The following C10orf67 variants were observed in gnomAD, a reference collection of about 807,000 sequenced individuals.
C10orf67 encodes uncharacterized protein C10orf67, mitochondrial.
In C10orf67, 60 loss-of-function variants were observed where a neutral mutation model predicts 35.6. The observed-to-expected ratio is 1.68, with a 90% confidence interval of 1.37 to 2.09. C10orf67 has a LOEUF of 2.09. Among genes scored for constraint, C10orf67 ranks in the 30% most tolerant of loss-of-function variants. The probability of loss-of-function intolerance (pLI) is 0.00; values close to 1 mark genes in which losing one functional copy is unlikely to be tolerated. For synonymous variants in C10orf67, 167 were observed against 115.8 expected (o/e 1.44, Z -2.84); for missense variants, 474 against 330.2 (o/e 1.44, Z -3.38).
chr10:23,230,385 G>A (rs1841875345), intron 13 of C10orf67, among the ~76,000 whole-genome samples: 1 of 152,042 alleles, frequency 6.6e-6, no homozygotes, highest in African/African-American at 2.4e-5. Context: ...TAATACATTT[G>A]TGATTAAATA....
intron 7 of C10orf67, among the ~76,000 whole-genome samples, chr10:23,285,037 A>G (rs529383045): frequency 6.4e-4 from 98 of 152,316 alleles, no homozygotes; most frequent in Middle Eastern, 6.8e-3. Flanking sequence ...TTGGAAAAAA[A>G]CCAGCAAATA....
At chr10:23,232,204 A>G (rs1841931943) in intron 13 of C10orf67, among the ~76,000 whole-genome samples, 1 of 152,124 alleles carries the variant, frequency 6.6e-6, no homozygotes, top group African/African-American at 2.4e-5. Context: ...GGGTTATTTA[A>G]CAGTTTGAAA....
At chr10:23,248,714 C>T (rs184245135) in intron 12 of C10orf67, among the ~76,000 whole-genome samples, 22 of 152,132 alleles carry the variant, frequency 1.4e-4, no homozygotes, top group African/African-American at 4.8e-4. Context: ...GCACTCGCTA[C>T]GGTGCTGTAT....
At chr10:23,286,665 A>C (rs11013367) in intron 7 of C10orf67, among the ~76,000 whole-genome samples, 28,806 of 149,132 alleles carry the variant, frequency 0.19, 3,042 homozygotes, top group Admixed American at 0.29. Flanking sequence ...AGGAGGGAGG[A>C]AAGGAGGGAG....
At chr10:23,321,361 T>C (rs1844948321) in intron 3 of C10orf67, among the ~76,000 whole-genome samples, 1 of 152,182 alleles carries the variant, frequency 6.6e-6, no homozygotes, top group South Asian at 2.1e-4. Context: ...CTTTATACTT[T>C]TCTAAAAAAA....
In C10orf67 at chr10:23,227,963, T is replaced by G. The variant is rs569305856; in HGVS notation, c.1435-4145A>C. 8.5e-5 allele frequency among the ~76,000 whole-genome samples: 13 copies of G among 152,188 alleles called. No individual in the cohort carries two copies. The East Asian group carries it at 2.1e-3, about 25-fold the overall frequency. On this transcript the variant is annotated intron_variant, in intron 13 of 15. Coordinates refer to ENST00000636213, the MANE Select transcript of C10orf67 (RefSeq NM_001371909.1). ...AGGACACAAACAAATGGAAGAACAT[T>G]CCATGCTCATGGATAGGAAGAATCA... is the stretch of plus-strand genomic sequence containing the variant.
intron 2 of C10orf67, among the ~76,000 whole-genome samples, chr10:23,326,496 AG>A (rs528583896): frequency 1.2e-3 from 187 of 152,270 alleles, no homozygotes; most frequent in African/African-American, 4.3e-3. Context: ...AGCTAAATAA[AG>A]TTTTTTAGGC....
chr10:23,262,243 AG>A (rs1284351366), intron 10 of C10orf67, among the ~76,000 whole-genome samples: 1 of 151,742 alleles, frequency 6.6e-6, no homozygotes, highest in Non-Finnish European at 1.5e-5. Context: ...TAGTGTCAGG[AG>A]TCTGGCCAAA....
At chr10:23,338,176 G>C (rs188126160) in intron 1 of C10orf67, among the ~76,000 whole-genome samples, 1 of 152,306 alleles carries the variant, frequency 6.6e-6, no homozygotes, top group Admixed American at 6.5e-5. Context: ...AGAGAAAGTA[G>C]TTAAATAATT....
At chr10:23,204,516 C>A (rs1229633967) in intron 15 of C10orf67, among the ~76,000 whole-genome samples, 1 of 152,142 alleles carries the variant, frequency 6.6e-6, no homozygotes, top group African/African-American at 2.4e-5. Context: ...CTCCGGCAGC[C>A]CCAGGCTGCA....
At chr10:23,342,311 T>C (rs1174860739) in intron 1 of C10orf67, among the ~76,000 whole-genome samples, 5 of 152,276 alleles carry the variant, frequency 3.3e-5, no homozygotes, top group African/African-American at 1.2e-4. Context: ...CTAACCACTA[T>C]CTAACTTATT....
chr10:23,279,399 TG>T (rs549239259), intron 8 of C10orf67, among the ~76,000 whole-genome samples: 116 of 152,352 alleles, frequency 7.6e-4, no homozygotes, highest in African/African-American at 2.7e-3. Flanking sequence ...TACTGCCACA[TG>T]ACATATAACA....
At chr10:23,317,923 T>G (rs576675860) in intron 4 of C10orf67, 1 of 150,864 alleles carries the variant, frequency 6.6e-6, no homozygotes, top group South Asian at 2.1e-4. Flanking sequence ...CATAGCAAGA[T>G]CCCATGTCAT....
intron 3 of C10orf67, among the ~76,000 whole-genome samples, chr10:23,321,511 C>A (rs1844954251): frequency 1.3e-5 from 2 of 152,162 alleles, no homozygotes; most frequent in Non-Finnish European, 2.9e-5. Context: ...CGCCTCCCAG[C>A]CTCAAATAGG....
intron 15 of C10orf67, among the ~76,000 whole-genome samples, chr10:23,218,307 ATTTTTTTTTTT>A (rs371926193): frequency 8.4e-6 from 1 of 119,102 alleles, no homozygotes; most frequent in Non-Finnish European, 1.7e-5. Flanking sequence ...CACGAGGCTA[ATTTTTTTTTTT>A]TTTTTTTTTT....
intron 10 of C10orf67, among the ~76,000 whole-genome samples, chr10:23,255,119 GA>G (rs111896704): frequency 1.2e-3 from 190 of 152,270 alleles, no homozygotes; most frequent in African/African-American, 4.4e-3. Context: ...GGGGCTAATA[GA>G]AACACACGAA....
At chr10:23,205,403 A>C (rs1305599495) in intron 15 of C10orf67, among the ~76,000 whole-genome samples, 2 of 152,226 alleles carry the variant, frequency 1.3e-5, no homozygotes, top group Admixed American at 6.5e-5. Context: ...CAGGCTACCT[A>C]AACTTTCTGG....
chr10:23,261,989 A>G (rs2132184909), intron 10 of C10orf67, among the ~76,000 whole-genome samples: 1 of 152,274 alleles, frequency 6.6e-6, no homozygotes, highest in Non-Finnish European at 1.5e-5. Context: ...GGGTTTGAGG[A>G]GAAAGTTGGG....
chr10:23,248,249 AG>A (rs1842365456), intron 12 of C10orf67, among the ~76,000 whole-genome samples: 1 of 152,186 alleles, frequency 6.6e-6, no homozygotes, highest in Non-Finnish European at 1.5e-5. Context: ...CCTGGGGTGG[AG>A]GTGGAAACAG....
Sources: gnomAD v4.1 joint callset for allele counts (sites outside exome capture counted in the v4.1 genomes callset) on GRCh38, gnomAD v4.1.1 for gene constraint, MANE v1.5 for transcripts, NCBI Gene and HGNC (gene_info 2026-07-23, HGNC 2026-07-21) for gene names.